Variants in PARVA observed in about 807,000 individuals in gnomAD.
The protein encoded by PARVA is alpha-parvin.
A neutral mutation model predicts 52.6 loss-of-function variants in PARVA; 25 were observed. That is an observed-to-expected ratio of 0.48 (90% CI 0.35 to 0.66). PARVA has a LOEUF of 0.66. Among genes scored for constraint, PARVA ranks in the 30% least tolerant of loss-of-function variants. The probability of loss-of-function intolerance (pLI) is 0.01; values close to 1 mark genes in which losing one functional copy is unlikely to be tolerated. For missense variants in PARVA, 373 were observed against 450.9 expected (o/e 0.83, Z 1.56); for synonymous variants, 185 against 179.1 (o/e 1.03, Z -0.26).
Position 12,514,042 on chromosome 11 carries a change from G to A in PARVA, c.844G>A (p.Glu282Lys). Residue 282 changes from glutamate (E) to lysine (K), a missense_variant, in exon 10 of 13, where the codon GAG becomes AAG. Transcript: ENST00000334956. ...CAAGCACCTGAATAAACTGAACCTGGAGGTCACAGAACTGGAAACCCAGGT... is the reference window on the plus strand; with the variant it reads ...CAAGCACCTGAATAAACTGAACCTGAAGGTCACAGAACTGGAAACCCAGGT... Reference protein sequence around the residue: ...VNKHLNKLNLEVTELETQFAD... With the variant: ...VNKHLNKLNLKVTELETQFAD... The A allele has an allele frequency of 6.2e-7, 1 of 1,614,002 alleles. No individual in the cohort carries two copies. The highest frequency in any genetic ancestry group is 8.5e-7 in the Non-Finnish European group (1 of 1,179,908).
chr11:12,428,708 A>G lies in PARVA; in HGVS notation c.137-45037A>G, dbSNP rs79332029. 5.2e-3 allele frequency among the ~76,000 whole-genome samples: 787 copies of G among 152,296 alleles called. 8 individuals carry two copies. The highest frequency in any genetic ancestry group is 0.018 in the African/African-American group (744 of 41,564). ...AGAGGTCGAGATGGTAAGTTGGCCA[A>G]TTGACTAGCGGAGCAAATACAATTT... On this transcript the variant is annotated intron_variant, in intron 1 of 12. Transcript: ENST00000334956.
chr11:12,446,077 TCAA>T (rs1430039734), intron 1 of PARVA, among the ~76,000 whole-genome samples: 5 of 149,818 alleles, frequency 3.3e-5, no homozygotes, highest in Non-Finnish European at 4.5e-5. Context: ...ACAAAGAAAA[TCAA>T]CAAAACAAAA....
chr11:12,426,536 A>T (rs1176741392), intron 1 of PARVA, among the ~76,000 whole-genome samples: 1 of 147,914 alleles, frequency 6.8e-6, no homozygotes, highest in East Asian at 1.9e-4. Flanking sequence ...AAGCCAGTTT[A>T]TTGCTCCAAG....
chr11:12,502,168 G>A (rs762558078), intron 5 of PARVA, among the ~76,000 whole-genome samples: 7 of 152,214 alleles, frequency 4.6e-5, no homozygotes, highest in Admixed American at 2.0e-4. Context: ...AAGGCTAGGA[G>A]TTCAGAGCAG....
chr11:12,377,477 G>C (rs1303248804), upstream of PARVA: 4 of 1,401,912 alleles, frequency 2.9e-6, no homozygotes, highest in Non-Finnish European at 3.7e-6. Flanking sequence ...CGCGAGGGAG[G>C]GAGCGAGGGA....
intron 10 of PARVA, among the ~76,000 whole-genome samples, chr11:12,517,246 C>T (rs1171893252): frequency 6.6e-6 from 1 of 151,946 alleles, no homozygotes; most frequent in Non-Finnish European, 1.5e-5. Context: ...CTGTGCCTTG[C>T]CCCCACACCA....
At chr11:12,515,979 G>C (rs1209191403) in intron 10 of PARVA, among the ~76,000 whole-genome samples, 1 of 152,162 alleles carries the variant, frequency 6.6e-6, no homozygotes, top group Non-Finnish European at 1.5e-5. Flanking sequence ...TGGGACTACA[G>C]GCATGCACCA....
intron 1 of PARVA, among the ~76,000 whole-genome samples, chr11:12,438,948 T>G (rs1404839099): frequency 6.6e-6 from 1 of 152,136 alleles, no homozygotes; most frequent in Non-Finnish European, 1.5e-5. Context: ...GATTAAAAAT[T>G]GGCCCAGCAG....
intron 1 of PARVA, among the ~76,000 whole-genome samples, chr11:12,391,314 A>G (rs969426101): frequency 4.6e-5 from 7 of 152,178 alleles, no homozygotes; most frequent in African/African-American, 1.7e-4. Flanking sequence ...CAGGTGGGAA[A>G]CAGGAGTCCA....
chr11:12,416,954 C>G (rs958224478), intron 1 of PARVA, among the ~76,000 whole-genome samples: 4 of 152,052 alleles, frequency 2.6e-5, no homozygotes, highest in Non-Finnish European at 5.9e-5. Context: ...CTTTAGATTA[C>G]TAAAGTCAAA....
Position 12,533,202 on chromosome 11 carries a change from G to A in PARVA, c.*5277G>A, listed in dbSNP as rs77133267. ...GCTAGGGGAACTGGACAGAGTGGACGAGGCTGCATGTGTGGAGGGAATGAA... is the reference window on the plus strand; with the variant it reads ...GCTAGGGGAACTGGACAGAGTGGACAAGGCTGCATGTGTGGAGGGAATGAA... On this transcript the variant is annotated 3_prime_UTR_variant, in exon 13 of 13. Transcript: ENST00000334956. 5.9e-5 allele frequency among the ~76,000 whole-genome samples: 9 copies of A among 152,178 alleles called. No homozygotes were observed. Among genetic ancestry groups the A allele is most frequent in the African/African-American group, 1.2e-4 (5 of 41,426 alleles).
intron 1 of PARVA, among the ~76,000 whole-genome samples, chr11:12,393,378 A>G (rs1300681256): frequency 6.6e-6 from 1 of 152,228 alleles, no homozygotes; most frequent in Non-Finnish European, 1.5e-5. Flanking sequence ...AGTCAAGACT[A>G]GTGTACTAGT....
chr11:12,393,314 G>C (rs914189623), intron 1 of PARVA, among the ~76,000 whole-genome samples: 5 of 152,120 alleles, frequency 3.3e-5, no homozygotes, highest in Non-Finnish European at 7.4e-5. Context: ...TAGCATCTTT[G>C]CCCCTTTACA....
At chr11:12,439,523 A>G (rs1940433249) in intron 1 of PARVA, among the ~76,000 whole-genome samples, 2 of 152,180 alleles carry the variant, frequency 1.3e-5, no homozygotes, top group Non-Finnish European at 2.9e-5. Flanking sequence ...CATCACCCCC[A>G]TTCTTTGGGA....
chr11:12,482,478 T>C (rs1378939708), intron 4 of PARVA, among the ~76,000 whole-genome samples: 2 of 151,352 alleles, frequency 1.3e-5, no homozygotes, highest in African/African-American at 2.4e-5. Context: ...ATACAAAAAT[T>C]AGCCAGGCGT....
In PARVA at chr11:12,528,040, G is replaced by C; in HGVS notation, c.*115G>C. 1.3e-6 allele frequency: 1 copy of C among 770,000 alleles called. No individual in the cohort carries two copies. The highest frequency in any genetic ancestry group is 3.7e-4 in the Middle Eastern group (1 of 2,716). 47.7% of individuals were successfully genotyped at this position (770,000 alleles called of 1,614,324 possible). Reference sequence around the variant, plus strand: ...TCTCTTGCACTGTGCTCTCCCACAAGTCCAGCTGCAACCCAGAGATAGTGG... The same window carrying C: ...TCTCTTGCACTGTGCTCTCCCACAACTCCAGCTGCAACCCAGAGATAGTGG... On this transcript the variant is annotated 3_prime_UTR_variant, in exon 13 of 13. Transcript: ENST00000334956.
chr11:12,509,275 T>C (rs1941474759), intron 7 of PARVA, among the ~76,000 whole-genome samples: 1 of 152,018 alleles, frequency 6.6e-6, no homozygotes, highest in African/African-American at 2.4e-5. Flanking sequence ...TCCCCAGACT[T>C]TTCTCTGAGT....
At chr11:12,511,278 T>A (rs543137778) in intron 7 of PARVA, among the ~76,000 whole-genome samples, 3 of 152,242 alleles carry the variant, frequency 2.0e-5, no homozygotes, top group African/African-American at 7.2e-5. Flanking sequence ...TACACCACTA[T>A]ATGGGTGTAA....
Position 12,528,103 on chromosome 11 carries a change from G to A in PARVA, c.*178G>A. On this transcript the variant is annotated 3_prime_UTR_variant, in exon 13 of 13. Transcript: ENST00000334956. ...GGAAGGAAATCATCAATAACTCAGT[G>A]GGCTGACCCATCCCTCCCAGGCGCT... 1.6e-6 allele frequency: 1 copy of A among 610,250 alleles called. No homozygotes were observed. The highest frequency in any genetic ancestry group is 3.0e-6 in the Non-Finnish European group (1 of 338,430). 37.8% of individuals were successfully genotyped at this position (610,250 alleles called of 1,614,324 possible). A position where few individuals can be genotyped will look rare whatever the true frequency, so the allele number is the denominator to read the frequency against.
Sources: allele counts gnomAD v4.1 joint callset (sites outside exome capture counted in the v4.1 genomes callset), GRCh38; gene constraint gnomAD v4.1.1; transcripts MANE v1.5; gene names NCBI Gene and HGNC (gene_info 2026-07-23, HGNC 2026-07-21).